Variants in AVEN observed in about 807,000 individuals in gnomAD.
AVEN encodes apoptosis and caspase activation inhibitor, also known as cell death regulator Aven.
In AVEN, 41 loss-of-function variants were observed where a neutral mutation model predicts 38.1. The ratio of observed to expected loss-of-function variants is 1.08; its 90% CI spans 0.84 to 1.40. The LOEUF (loss-of-function observed/expected upper bound fraction) is 1.40. Ranked by LOEUF, AVEN falls within the 40% of genes most tolerant of loss-of-function variation. The pLI is 0.00. For missense variants in AVEN, 605 were observed against 438.8 expected, an observed-to-expected ratio of 1.38 and a Z score of -3.38; for synonymous variants, 206 against 171.8, an observed-to-expected ratio of 1.20 and a Z score of -1.56.
At chr15:34,021,510 C>T (rs1466624179) in intron 1 of AVEN, among the ~76,000 whole-genome samples, 2 of 152,036 alleles carry the variant, frequency 1.3e-5, no homozygotes, top group Non-Finnish European at 2.9e-5. Context: ...GTCTGGAACT[C>T]CTGACCTCAG....
intron 1 of AVEN, among the ~76,000 whole-genome samples, chr15:34,038,550 T>C (rs1049504468): frequency 1.3e-5 from 2 of 151,308 alleles, no homozygotes; most frequent in Admixed American, 1.3e-4. Flanking sequence ...CTACCCCCAC[T>C]GTCTCGCGCC....
At chr15:33,993,750 C>A (rs1896823675) in intron 2 of AVEN, among the ~76,000 whole-genome samples, 1 of 152,196 alleles carries the variant, frequency 6.6e-6, no homozygotes, top group African/African-American at 2.4e-5. Context: ...CCTCATCTCC[C>A]CACTAGAGGT....
chr15:33,895,256 A>T (rs1034948515), intron 2 of AVEN, among the ~76,000 whole-genome samples: 4 of 144,654 alleles, frequency 2.8e-5, no homozygotes, highest in Non-Finnish European at 6.1e-5. Context: ...TTCTTCTGCA[A>T]TGGTTTATAT....
intron 2 of AVEN, among the ~76,000 whole-genome samples, chr15:33,898,526 T>C (rs558345055): frequency 1.3e-5 from 2 of 152,146 alleles, no homozygotes; most frequent in Non-Finnish European, 2.9e-5. Context: ...CAGTTTGTAG[T>C]TGCATCACTC....
At chr15:33,873,734 TC>T (rs1891102838) in intron 3 of AVEN, among the ~76,000 whole-genome samples, 1 of 152,062 alleles carries the variant, frequency 6.6e-6, no homozygotes, top group Non-Finnish European at 1.5e-5. Flanking sequence ...CACCTCCAAC[TC>T]GAACTGTTCA....
chr15:33,933,577 A>AGACC (rs1893955540), intron 2 of AVEN, among the ~76,000 whole-genome samples: 1 of 133,278 alleles, frequency 7.5e-6, no homozygotes, highest in African/African-American at 2.8e-5. Context: ...AGAGAGAGAG[A>AGACC]GAGAACTGAG....
intron 2 of AVEN, among the ~76,000 whole-genome samples, chr15:33,923,912 A>G (rs471977): frequency 0.69 from 104,008 of 149,926 alleles, 36,374 homozygotes; most frequent in East Asian, 0.81. Flanking sequence ...ATCTCCCATC[A>G]CCCCCAGGTG....
At chr15:33,852,629 A>G in the AVEN span, 1 of 165,370 alleles carries the variant, frequency 6.0e-6, no homozygotes, top group East Asian at 1.8e-4. Flanking sequence ...CACATCCCGC[A>G]TCGCCATTAT....
rs116106056 is a variant in AVEN, at chr15:33,867,830, T to G, written c.638A>C (p.Gln213Pro). Reference protein sequence around the residue: ...VQGTVPLEVPQVKPKRTDDGK... With the variant: ...VQGTVPLEVPPVKPKRTDDGK... ...ATCATCAGTTCTCTTTGGTTTCACC[T>G]GAGGAACCTCTAAAGGAACTGTACC... The change falls in exon 5 of 6, where the codon CAG becomes CCG. Residue 213 changes from glutamine (Q) to proline (P), a missense_variant. Gln to Pro is a moderately conservative substitution (Grantham distance 76). Transcript: ENST00000306730. 866 of 1,598,464 alleles carry G rather than the reference T, an allele frequency of 5.4e-4. 4 individuals are homozygous for G. In the African/African-American group the frequency reaches 0.011, roughly 20 times the overall value.
At chr15:33,897,215 T>C (rs988874693) in intron 2 of AVEN, among the ~76,000 whole-genome samples, 1 of 152,310 alleles carries the variant, frequency 6.6e-6, no homozygotes, top group East Asian at 1.9e-4. Flanking sequence ...GGTCACAGAC[T>C]ACTTACATTT....
chr15:33,906,155 T>A (rs1892691133), intron 2 of AVEN, among the ~76,000 whole-genome samples: 1 of 151,878 alleles, frequency 6.6e-6, no homozygotes, highest in Non-Finnish European at 1.5e-5. Flanking sequence ...AGAGCTGGAG[T>A]GAATTGTGTG....
chr15:34,064,423 T>C (rs1376241775), intron 4 of AVEN: 9 of 1,351,050 alleles, frequency 6.7e-6, no homozygotes, highest in Non-Finnish European at 8.9e-6. Flanking sequence ...CATCTCATTT[T>C]GAGTCCTTGA....
At chr15:33,868,836 C>A (rs929712786) in intron 4 of AVEN, among the ~76,000 whole-genome samples, 1 of 152,060 alleles carries the variant, frequency 6.6e-6, no homozygotes, top group Non-Finnish European at 1.5e-5. Context: ...AGTCTTTATC[C>A]GGATGCTCAT....
chr15:34,061,109 A>G (rs756969990), intron 5 of AVEN, among the ~76,000 whole-genome samples: 7 of 151,822 alleles, frequency 4.6e-5, no homozygotes, highest in African/African-American at 7.3e-5. Context: ...TGTTGTATGC[A>G]TATATATCTC....
chr15:33,994,154 G>A (rs760503430), intron 2 of AVEN, among the ~76,000 whole-genome samples: 4 of 152,222 alleles, frequency 2.6e-5, no homozygotes, highest in Non-Finnish European at 5.9e-5. Context: ...CAAGTGAGCA[G>A]ATTCTTCTCT....
chr15:34,050,936 G>A (rs991807910), intron 5 of AVEN, among the ~76,000 whole-genome samples: 2 of 152,132 alleles, frequency 1.3e-5, no homozygotes, highest in Admixed American at 1.3e-4. Flanking sequence ...ATATTAGACA[G>A]ATCACTGAGA....
downstream of AVEN, among the ~76,000 whole-genome samples, chr15:33,862,351 G>A (rs1888590365): frequency 6.8e-6 from 1 of 146,822 alleles, no homozygotes; most frequent in Non-Finnish European, 1.5e-5. Flanking sequence ...TGGGACAGGT[G>A]TACCACTAAT....
At chr15:33,868,705 T>C (rs984850102) in intron 4 of AVEN, among the ~76,000 whole-genome samples, 5 of 152,156 alleles carry the variant, frequency 3.3e-5, no homozygotes, top group African/African-American at 9.7e-5. Context: ...TATTTGATGA[T>C]TGTATTTGTA....
intron 2 of AVEN, among the ~76,000 whole-genome samples, chr15:33,988,216 TAGAC>T (rs1279534088): frequency 1.3e-5 from 2 of 152,208 alleles, no homozygotes; most frequent in Admixed American, 6.5e-5. Flanking sequence ...ATGTGTATCT[TAGAC>T]AGTGATATAC....
Sources: gnomAD v4.1 joint callset for allele counts (sites outside exome capture counted in the v4.1 genomes callset) on GRCh38, gnomAD v4.1.1 for gene constraint, MANE v1.5 for transcripts, NCBI Gene and HGNC (gene_info 2026-07-23, HGNC 2026-07-21) for gene names.